TMEM178B: variants seen among roughly 807,000 people sequenced by gnomAD.
The protein encoded by TMEM178B is transmembrane protein 178B.
TMEM178B carries 5 observed loss-of-function variants against 31.0 expected under a neutral mutation model. That is an observed-to-expected ratio of 0.16 (90% CI 0.08 to 0.34). TMEM178B has a LOEUF of 0.34. Among genes scored for constraint, TMEM178B ranks in the 10% least tolerant of loss-of-function variants. The probability of loss-of-function intolerance (pLI) is 1.00; values close to 1 mark genes in which losing one functional copy is unlikely to be tolerated. For synonymous variants in TMEM178B, 164 were observed against 164.0 expected (o/e 1.00, Z 0.00); for missense variants, 275 against 400.3 (o/e 0.69, Z 2.67).
intron 1 of TMEM178B, among the ~76,000 whole-genome samples, chr7:141,080,348 C>T (rs993637502): frequency 1.3e-5 from 2 of 152,118 alleles, no homozygotes; most frequent in African/African-American, 4.8e-5. Context: ...CGGCTGGGCA[C>T]GGTGGCGCAC....
chr7:141,497,703 G>C, the TMEM178B span, among the ~76,000 whole-genome samples: 1 of 152,162 alleles, frequency 6.6e-6, no homozygotes, highest in Non-Finnish European at 1.5e-5. Flanking sequence ...GATTTTCCAT[G>C]ACTGGCTTCC....
intron 2 of TMEM178B, among the ~76,000 whole-genome samples, chr7:141,304,793 T>C (rs1285651061): frequency 6.6e-6 from 1 of 152,204 alleles, no homozygotes; most frequent in Non-Finnish European, 1.5e-5. Context: ...CCAGTTCTCT[T>C]CAATACCTTC....
At position 141,158,409 on chromosome 7, in the gene TMEM178B, A is replaced by G. The variant is rs139203457; in HGVS notation, c.383-54182A>G. ...CCATGCTTGGCCCCTCAGGTTGCCA[A>G]TTGATGTCTGTCCTGAAAGTTCTTC... On this transcript the variant is annotated intron_variant, in intron 1 of 3. Transcript: ENST00000565468. Among the ~76,000 whole-genome samples the G allele has an allele frequency of 2.2e-4, 33 of 152,282 alleles. No homozygotes were observed. The East Asian group carries it at 6.0e-3, about 28-fold the overall frequency.
chr7:141,074,115 C>A lies in TMEM178B; in HGVS notation c.-196C>A. 1 of 771,050 alleles carries A rather than the reference C, an allele frequency of 1.3e-6. No homozygotes were observed. The highest frequency in any genetic ancestry group is 1.9e-6 in the Non-Finnish European group (1 of 539,940). The allele number at this position is 771,050 out of a possible 1,614,324, so 47.8% of individuals were successfully genotyped here. A position where few individuals can be genotyped will look rare whatever the true frequency, so the allele number is the denominator to read the frequency against. ...CCGCGGGAGCCTCTCCGGATCAGAACTTTTTAGGCCGCCCGCCCCCATCCC... is the reference window on the plus strand; with the variant it reads ...CCGCGGGAGCCTCTCCGGATCAGAAATTTTTAGGCCGCCCGCCCCCATCCC... On this transcript the variant is annotated 5_prime_UTR_variant, in exon 1 of 4. Transcript: ENST00000565468. The surrounding 1 kb of genome is among the most constrained non-coding windows in gnomAD (Gnocchi z 5.1).
At chr7:141,360,497 G>T (rs957169931) in intron 2 of TMEM178B, among the ~76,000 whole-genome samples, 1 of 152,034 alleles carries the variant, frequency 6.6e-6, no homozygotes, top group Non-Finnish European at 1.5e-5. Flanking sequence ...TTTTTTCCTC[G>T]CTCATTCCTT....
chr7:141,350,872 C>G (rs1009334934), intron 2 of TMEM178B, among the ~76,000 whole-genome samples: 1 of 152,098 alleles, frequency 6.6e-6, no homozygotes, highest in Non-Finnish European at 1.5e-5. Flanking sequence ...AACAAGCAGC[C>G]CTTGATCACT....
At position 141,448,342 on chromosome 7, in the gene TMEM178B, T is replaced by A. The variant is rs140052530; in HGVS notation, c.634+10597T>A. 2.2e-3 allele frequency among the ~76,000 whole-genome samples: 333 copies of A among 152,184 alleles called. 5 individuals carry two copies. Among genetic ancestry groups the A allele is most frequent in the African/African-American group, 7.7e-3 (319 of 41,540 alleles). On this transcript the variant is annotated intron_variant, in intron 3 of 3. Transcript: ENST00000565468. ...CCATTATTTCAATGTGGACATGTGA[T>A]TAACGTTGGGTATGAATAATTAGAT...
At chr7:141,154,703 C>T (rs1395452938) in intron 1 of TMEM178B, among the ~76,000 whole-genome samples, 2 of 151,012 alleles carry the variant, frequency 1.3e-5, no homozygotes, top group Admixed American at 1.3e-4. Context: ...AGCTCTTAGT[C>T]CCTGGGATGC....
At chr7:141,455,609 C>T (rs545359377) in intron 3 of TMEM178B, among the ~76,000 whole-genome samples, 145 of 152,316 alleles carry the variant, frequency 9.5e-4, no homozygotes, top group Middle Eastern at 3.4e-3. Flanking sequence ...CCTCTCTGTG[C>T]CTCATTTTCC....
chr7:141,485,057 G>C (rs1586991530), downstream of TMEM178B, among the ~76,000 whole-genome samples: 1 of 152,150 alleles, frequency 6.6e-6, no homozygotes, highest in East Asian at 1.9e-4. Context: ...GCAGGTGTCA[G>C]GGAAGCATTG....
At chr7:141,447,936 G>T (rs1181765) in intron 3 of TMEM178B, among the ~76,000 whole-genome samples, 117,277 of 151,682 alleles carry the variant, frequency 0.77, 45,516 homozygotes, top group Middle Eastern at 0.83. Flanking sequence ...AGCCAGTTCT[G>T]CCTCTAGCAT....
At chr7:141,221,301 G>A (rs531364076) in intron 2 of TMEM178B, among the ~76,000 whole-genome samples, 10 of 152,230 alleles carry the variant, frequency 6.6e-5, no homozygotes, top group Admixed American at 1.3e-4. Context: ...CTCAGCTTCC[G>A]GGCAAACTGC....
chr7:141,352,383 T>A (rs1339376996), intron 2 of TMEM178B: 22 of 152,110 alleles, frequency 1.4e-4, no homozygotes, highest in African/African-American at 5.1e-4. Context: ...CACTATTTTT[T>A]TTTTTTTTTT....
At chr7:141,396,070 G>C (rs949553697) in intron 2 of TMEM178B, among the ~76,000 whole-genome samples, 5 of 152,138 alleles carry the variant, frequency 3.3e-5, no homozygotes, top group East Asian at 1.9e-4. Context: ...CCCTGAGAGA[G>C]AGAGTGATGC....
At chr7:141,293,738 G>A (rs1442649428) in intron 2 of TMEM178B, among the ~76,000 whole-genome samples, 3 of 152,206 alleles carry the variant, frequency 2.0e-5, no homozygotes, top group Admixed American at 6.5e-5. Flanking sequence ...GGAGGGCAGA[G>A]GAGAAAGTTT....
At chr7:141,220,423 T>TG (rs1182520766) in intron 2 of TMEM178B, among the ~76,000 whole-genome samples, 1 of 151,816 alleles carries the variant, frequency 6.6e-6, no homozygotes, top group Non-Finnish European at 1.5e-5. Flanking sequence ...CTGGCCTGGC[T>TG]GGGGGTCAGT....
intron 1 of TMEM178B, among the ~76,000 whole-genome samples, chr7:141,196,145 A>G (rs923699972): frequency 3.9e-5 from 6 of 152,156 alleles, no homozygotes; most frequent in Admixed American, 2.0e-4. Context: ...ACACACACAC[A>G]CATGCACACA....
chr7:141,141,707 G>T (rs1037751602), intron 1 of TMEM178B, among the ~76,000 whole-genome samples: 2 of 152,136 alleles, frequency 1.3e-5, no homozygotes, highest in Non-Finnish European at 2.9e-5. Flanking sequence ...GACAGAGCTT[G>T]CAATGTTCAT....
rs185296905 is a variant in TMEM178B at position 141,416,652 on chromosome 7, T to C, written c.497-20956T>C. 1.2e-4 allele frequency among the ~76,000 whole-genome samples: 18 copies of C among 152,360 alleles called. No individual in the cohort carries two copies. In the East Asian group the frequency reaches 3.5e-3, roughly 29 times the overall value. On this transcript the variant is annotated intron_variant, in intron 2 of 3. Transcript: ENST00000565468. ...AAAGGCTTTGCCCAAATGTTTCTCATTTTGTTCTGGATTTTCACATATCTG... is the reference window on the plus strand; with the variant it reads ...AAAGGCTTTGCCCAAATGTTTCTCACTTTGTTCTGGATTTTCACATATCTG...
Sources: allele counts gnomAD v4.1 joint callset (sites outside exome capture counted in the v4.1 genomes callset), GRCh38; gene constraint gnomAD v4.1.1; non-coding constraint Gnocchi (gnomAD v3.1); transcripts MANE v1.5; gene names NCBI Gene and HGNC (gene_info 2026-07-23, HGNC 2026-07-21).